Variants in FBXO4 observed in about 807,000 individuals in gnomAD.
The protein encoded by FBXO4 is F-box only protein 4.
Under a neutral mutation model 43.7 loss-of-function variants are expected in FBXO4, and 36 were observed. That is an observed-to-expected ratio of 0.82 (90% CI 0.63 to 1.09). FBXO4 has a LOEUF of 1.09. FBXO4 is among the 50% of genes least tolerant of loss of function. The pLI is 0.00. For missense variants in FBXO4, 435 were observed against 474.1 expected, an observed-to-expected ratio of 0.92 and a Z score of 0.77; for synonymous variants, 180 against 165.6, an observed-to-expected ratio of 1.09 and a Z score of -0.67.
chr5:41,985,954 T>C, the FBXO4 span, among the ~76,000 whole-genome samples: 1 of 152,120 alleles, frequency 6.6e-6, no homozygotes, highest in African/African-American at 2.4e-5. Context: ...AAATAAGCCA[T>C]TTTATACTCA....
the FBXO4 span, among the ~76,000 whole-genome samples, chr5:42,007,868 A>G: frequency 2.0e-5 from 3 of 152,038 alleles, no homozygotes; most frequent in African/African-American, 7.2e-5. Context: ...GCTGCTCCCT[A>G]GTTAGTATTC....
the FBXO4 span, among the ~76,000 whole-genome samples, chr5:41,986,284 G>A: frequency 6.6e-6 from 1 of 151,816 alleles, no homozygotes; most frequent in African/African-American, 2.4e-5. Context: ...TCCACTGTTT[G>A]GCCCCATTTA....
chr5:41,946,491 A>G (rs909076226), downstream of FBXO4, among the ~76,000 whole-genome samples: 1 of 152,196 alleles, frequency 6.6e-6, no homozygotes, highest in African/African-American at 2.4e-5. Context: ...AAAGTAGGGC[A>G]CTCTGCTTGC....
the FBXO4 span, among the ~76,000 whole-genome samples, chr5:42,022,565 C>T: frequency 6.6e-6 from 1 of 152,034 alleles, no homozygotes; most frequent in South Asian, 2.1e-4. Context: ...CTTTTTCAGG[C>T]TCACCATTGA....
the FBXO4 span, among the ~76,000 whole-genome samples, chr5:41,984,073 A>G: frequency 2.0e-5 from 3 of 152,146 alleles, no homozygotes; most frequent in Non-Finnish European, 2.9e-5. Flanking sequence ...TATATAAAAA[A>G]TAGTAAATCA....
At chr5:42,017,315 A>G in the FBXO4 span, among the ~76,000 whole-genome samples, 1 of 152,150 alleles carries the variant, frequency 6.6e-6, no homozygotes, top group African/African-American at 2.4e-5. Flanking sequence ...CGGAAGAGAA[A>G]TATAACCAAA....
the FBXO4 span, among the ~76,000 whole-genome samples, chr5:42,011,051 A>AG: frequency 6.6e-6 from 1 of 151,986 alleles, no homozygotes; most frequent in African/African-American, 2.4e-5. Context: ...GACAGGCCTC[A>AG]GTGTGTGATG....
At chr5:41,964,638 G>C in the FBXO4 span, among the ~76,000 whole-genome samples, 149 of 145,202 alleles carry the variant, frequency 1.0e-3, 2 homozygotes, top group East Asian at 0.029. Flanking sequence ...CATCAAAGAT[G>C]ATGAGCATTT....
the FBXO4 span, among the ~76,000 whole-genome samples, chr5:42,025,175 A>G: frequency 6.6e-6 from 1 of 151,920 alleles, no homozygotes; most frequent in East Asian, 1.9e-4. Context: ...TCCTGCTAAT[A>G]GTGGATAGGG....
the FBXO4 span, among the ~76,000 whole-genome samples, chr5:41,986,325 A>C: frequency 6.6e-6 from 1 of 151,832 alleles, no homozygotes; most frequent in Non-Finnish European, 1.5e-5. Flanking sequence ...TTTGACTAAG[A>C]GAGAGAGAGG....
chr5:41,972,084 G>T, the FBXO4 span, among the ~76,000 whole-genome samples: 1 of 152,208 alleles, frequency 6.6e-6, no homozygotes, highest in African/African-American at 2.4e-5. Context: ...GAAAGTCCTA[G>T]CCAGAGCAAT....
the FBXO4 span, among the ~76,000 whole-genome samples, chr5:42,008,043 G>A: frequency 2.8e-4 from 43 of 152,080 alleles, no homozygotes; most frequent in African/African-American, 1.0e-3. Context: ...ACATGAAGAT[G>A]ACTCTCATTA....
In FBXO4 at chr5:41,934,309, GTAAGTA is replaced by G; in HGVS notation, c.898+2_898+7del. The G allele has an allele frequency of 1.2e-6, 2 of 1,613,998 alleles. No individual in the cohort carries two copies. The highest frequency in any genetic ancestry group is 1.7e-6 in the Non-Finnish European group (2 of 1,179,984). On this transcript the variant is annotated splice_donor_variant and splice_donor_5th_base_variant and intron_variant, in intron 5 of 6. Transcript: ENST00000281623. LOFTEE classifies it high-confidence loss of function. ...GTTGCAAATGCTGAAGCTCATAAAAGTAAGTACTCATATGTACATTTTTAAGCACAT... is the reference window on the plus strand; with the variant it reads ...GTTGCAAATGCTGAAGCTCATAAAAGCTCATATGTACATTTTTAAGCACAT...
chr5:42,035,283 C>A, the FBXO4 span, among the ~76,000 whole-genome samples: 3 of 152,014 alleles, frequency 2.0e-5, no homozygotes, highest in Non-Finnish European at 2.9e-5. Context: ...GGCAATTTGA[C>A]TTTTTCTCTT....
the FBXO4 span, among the ~76,000 whole-genome samples, chr5:41,972,763 A>C: frequency 8.6e-3 from 1,304 of 152,312 alleles, 7 homozygotes; most frequent in Middle Eastern, 0.031. Flanking sequence ...AAACCCAGAA[A>C]TAAAGCCACA....
intron 5 of FBXO4, 81 bp from the exon 6 acceptor site, chr5:41,939,360 C>A (rs981248782): frequency 5.3e-5 from 70 of 1,322,456 alleles, no homozygotes; most frequent in Admixed American, 2.5e-4. Flanking sequence ...TTTGTTCCCT[C>A]GCTTTGTTAG....
At chr5:41,939,318 TCCCTCAG>T in intron 5 of FBXO4, 116 bp from the exon 6 acceptor site, 2 of 810,928 alleles carry the variant, frequency 2.5e-6, no homozygotes, top group South Asian at 2.0e-5. Context: ...GTGATTTTTT[TCCCTCAG>T]TTTATGTTTG....
the FBXO4 span, among the ~76,000 whole-genome samples, chr5:42,034,515 T>C: frequency 6.6e-6 from 1 of 152,322 alleles, no homozygotes; most frequent in African/African-American, 2.4e-5. Flanking sequence ...TTTAAGTCTT[T>C]TATCCATCTT....
the FBXO4 span, among the ~76,000 whole-genome samples, chr5:41,981,575 C>T: frequency 7.2e-5 from 11 of 151,800 alleles, no homozygotes; most frequent in African/African-American, 2.7e-4. Context: ...AATATGTGAA[C>T]ATTGTTAAGG....
Sources: allele counts gnomAD v4.1 joint callset (sites outside exome capture counted in the v4.1 genomes callset), GRCh38; gene constraint gnomAD v4.1.1; transcripts MANE v1.5; gene names NCBI Gene and HGNC (gene_info 2026-07-23, HGNC 2026-07-21).